The following CSMD2 variants were observed in gnomAD, a reference collection of about 807,000 sequenced individuals.
CSMD2 encodes the protein CUB and Sushi multiple domains 2, also known as CUB and sushi domain-containing protein 2.
In CSMD2, 130 loss-of-function variants were observed where a neutral mutation model predicts 398.5. That is an observed-to-expected ratio of 0.33 (90% CI 0.28 to 0.38). The LOEUF is 0.38. Ranked by LOEUF, CSMD2 falls within the 10% of genes least tolerant of loss-of-function variation. The pLI, the probability that CSMD2 is intolerant of heterozygous loss-of-function variation, is 1.00. For synonymous variants in CSMD2, 1,828 were observed against 1,908.5 expected (o/e 0.96, Z 1.10); for missense variants, 3,829 against 4,764.9 (o/e 0.80, Z 5.78).
Position 34,032,668 on chromosome 1 carries a change from G to A in CSMD2, c.443C>T (p.Ala148Val). The A allele has an allele frequency of 1.2e-6, 2 of 1,600,878 alleles. No homozygotes were observed. Among genetic ancestry groups the A allele is most frequent in the Non-Finnish European group, 1.7e-6 (2 of 1,173,778 alleles). Reference protein sequence around the residue: ...GFQLPATIVSAATTLSLRLIS... With the variant: ...GFQLPATIVSVATTLSLRLIS... The stretch of plus-strand genomic sequence containing the variant: ...GAGGCGCAGAGAGAGGGTGGTGGCT[G>A]CACTAACAATGGTGGCTGGCAGCTG... The change falls in exon 3 of 71, where the codon GCA (alanine) becomes GTA (valine). Residue 148 changes from alanine to valine, a missense_variant. Ala to Val is a moderately conservative substitution (Grantham distance 64). Coordinates refer to ENST00000373381, the MANE Select transcript of CSMD2 (RefSeq NM_001281956.2).
At chr1:34,118,361 G>T (rs544327023) in intron 1 of CSMD2, among the ~76,000 whole-genome samples, 2 of 152,286 alleles carry the variant, frequency 1.3e-5, no homozygotes, top group East Asian at 3.9e-4. Context: ...CAGGAACAAG[G>T]TATGCATGCT....
intron 28 of CSMD2, among the ~76,000 whole-genome samples, chr1:33,651,649 G>A (rs759272179): frequency 2.0e-5 from 3 of 152,140 alleles, no homozygotes; most frequent in Non-Finnish European, 4.4e-5. Flanking sequence ...ACTGGGAAGA[G>A]TAACTTCACA....
intron 19 of CSMD2, among the ~76,000 whole-genome samples, chr1:33,720,202 G>T (rs1646312727): frequency 6.6e-6 from 1 of 152,208 alleles, no homozygotes; most frequent in Admixed American, 6.5e-5. Context: ...AATGCTTCTT[G>T]AGTTCCTTAT....
chr1:33,836,087 G>C (rs189204639), intron 6 of CSMD2, among the ~76,000 whole-genome samples: 1 of 152,336 alleles, frequency 6.6e-6, no homozygotes. Flanking sequence ...TAACAGTCAG[G>C]ACCCTCAGCT....
intron 3 of CSMD2, among the ~76,000 whole-genome samples, chr1:33,960,006 C>A (rs546425853): frequency 6.6e-6 from 1 of 152,302 alleles, no homozygotes; most frequent in Admixed American, 6.5e-5. Flanking sequence ...ACTTGACTTT[C>A]GGCCCCTTTC....
At chr1:33,978,104 A>T (rs1646035221) in intron 3 of CSMD2, among the ~76,000 whole-genome samples, 1 of 152,034 alleles carries the variant, frequency 6.6e-6, no homozygotes, top group South Asian at 2.1e-4. Flanking sequence ...TATTCCCATT[A>T]TATGGATGAG....
At chr1:34,149,453 G>A (rs771134) in intron 1 of CSMD2, among the ~76,000 whole-genome samples, 55,212 of 152,098 alleles carry the variant, frequency 0.36, 11,373 homozygotes, top group East Asian at 0.61. Flanking sequence ...CGGCATTTCA[G>A]TGCTGTGTGT....
Position 33,918,146 on chromosome 1 carries a change from C to T in CSMD2, c.868G>A (p.Glu290Lys). 1 of 1,614,120 alleles carries T rather than the reference C, an allele frequency of 6.2e-7. No homozygotes were observed. The highest frequency in any genetic ancestry group is 8.5e-7 in the Non-Finnish European group (1 of 1,180,018). ...IALVFIDFQL[E>K]DGYDFLEVTG... ...ACTTCCAGAAAGTCGTAACCATCCT[C>T]CAGCTGGAAGTCAATAAACACCAGG... Residue 290 changes from glutamate to lysine, a missense_variant, in exon 5 of 71, where the codon GAG (glutamate) becomes AAG (lysine). Physicochemically the swap from Glu to Lys is moderately conservative, Grantham distance 56. Coordinates refer to ENST00000373381, the MANE Select transcript of CSMD2 (RefSeq NM_001281956.2).
At chr1:34,139,701 C>A (rs993535800) in intron 1 of CSMD2, among the ~76,000 whole-genome samples, 1 of 152,194 alleles carries the variant, frequency 6.6e-6, no homozygotes, top group Non-Finnish European at 1.5e-5. Flanking sequence ...ACAAACTTCT[C>A]AGCATCTTTC....
At chr1:34,149,802 A>G (rs1640122805) in intron 1 of CSMD2, among the ~76,000 whole-genome samples, 1 of 152,230 alleles carries the variant, frequency 6.6e-6, no homozygotes, top group South Asian at 2.1e-4. Context: ...TTATGGCACC[A>G]GCACCAGGGC....
At chr1:33,941,429 C>T (rs998435082) in intron 3 of CSMD2, among the ~76,000 whole-genome samples, 3 of 152,120 alleles carry the variant, frequency 2.0e-5, no homozygotes, top group African/African-American at 4.8e-5. Context: ...CATGGCCATA[C>T]GATTGATACC....
At chr1:34,092,393 C>A (rs1355696627) in intron 1 of CSMD2, among the ~76,000 whole-genome samples, 1 of 152,038 alleles carries the variant, frequency 6.6e-6, no homozygotes, top group Non-Finnish European at 1.5e-5. Context: ...AATAGATTGT[C>A]GGGGGGAGGA....
At chr1:33,889,753 C>CTGTGTG (rs55771161) in intron 5 of CSMD2, among the ~76,000 whole-genome samples, 25,960 of 148,006 alleles carry the variant, frequency 0.18, 2,187 homozygotes, top group South Asian at 0.25. Flanking sequence ...ACCTCCTATC[C>CTGTGTG]TGTGTGTGTG....
intron 7 of CSMD2, among the ~76,000 whole-genome samples, chr1:33,823,708 A>C (rs4652977): frequency 0.69 from 104,711 of 152,134 alleles, 37,296 homozygotes; most frequent in African/African-American, 0.89. Flanking sequence ...CAGCCACCTG[A>C]AGACATGTGG....
chr1:34,136,235 C>A (rs1195439631), intron 1 of CSMD2, among the ~76,000 whole-genome samples: 1 of 152,188 alleles, frequency 6.6e-6, no homozygotes, highest in African/African-American at 2.4e-5. Context: ...AAATAAATTA[C>A]TTATTTAACT....
intron 1 of CSMD2, among the ~76,000 whole-genome samples, chr1:34,093,275 G>C (rs375579937): frequency 6.6e-6 from 1 of 152,166 alleles, no homozygotes; most frequent in African/African-American, 2.4e-5. Flanking sequence ...CATCATCAAA[G>C]ACCAAAAGTA....
At position 33,580,751 on chromosome 1, in the gene CSMD2, A is replaced by G; in HGVS notation, c.7387+2T>C. The G allele has an allele frequency of 6.2e-7, 1 of 1,614,080 alleles. No individual in the cohort carries two copies. The highest frequency in any genetic ancestry group is 8.5e-7 in the Non-Finnish European group (1 of 1,179,994). On this transcript the variant is annotated splice_donor_variant, in intron 48 of 70. Transcript: ENST00000373381. LOFTEE classifies it high-confidence loss of function. ...TGGCTTATTTGTGTTTTTTTCACTC[A>G]CCTGAATAGCGGATCTTGAAGCCCT... is the stretch of plus-strand genomic sequence containing the variant.
intron 5 of CSMD2, among the ~76,000 whole-genome samples, chr1:33,915,084 C>T (rs1359629181): frequency 6.6e-6 from 1 of 152,054 alleles, no homozygotes; most frequent in Non-Finnish European, 1.5e-5. Context: ...AACTTGTTAT[C>T]TGGTAAGGGA....
At chr1:33,583,990 G>A (rs992966114) in intron 46 of CSMD2, among the ~76,000 whole-genome samples, 160 bp from the exon 47 acceptor site, 1 of 152,176 alleles carries the variant, frequency 6.6e-6, no homozygotes, top group Non-Finnish European at 1.5e-5. Context: ...TCCATGACAT[G>A]AGGTGGGCTT....
Sources: gnomAD v4.1 joint callset for allele counts (sites outside exome capture counted in the v4.1 genomes callset) on GRCh38, gnomAD v4.1.1 for gene constraint, MANE v1.5 for transcripts, NCBI Gene and HGNC (gene_info 2026-07-23, HGNC 2026-07-21) for gene names.